Variants in MTDH observed in about 807,000 individuals in gnomAD.
MTDH encodes the protein metadherin, also known as protein LYRIC.
In MTDH, 34 loss-of-function variants were observed where a neutral mutation model predicts 72.7. That is an observed-to-expected ratio of 0.47 (90% CI 0.36 to 0.62). The LOEUF (loss-of-function observed/expected upper bound fraction) is 0.62. Among genes scored for constraint, MTDH ranks in the 20% least tolerant of loss-of-function variants. The probability of loss-of-function intolerance (pLI) is 0.00; values close to 1 mark genes in which losing one functional copy is unlikely to be tolerated. For synonymous variants in MTDH, 266 were observed against 268.9 expected, an observed-to-expected ratio of 0.99 and a Z score of 0.10; for missense variants, 677 against 699.4, an observed-to-expected ratio of 0.97 and a Z score of 0.36.
rs1440924959 is a variant in MTDH, at chr8:97,730,160, T to C, written c.*5490T>C. On this transcript the variant is annotated 3_prime_UTR_variant, in exon 12 of 12. Coordinates refer to ENST00000336273, the MANE Select transcript of MTDH (RefSeq NM_178812.4). The stretch of plus-strand genomic sequence containing the variant: ...AGTGGCATTCTTATTTGTATATATG[T>C]GCTTTCCTTTTTTATTTGTATCAAG... 1.3e-5 allele frequency among the ~76,000 whole-genome samples: 2 copies of C among 152,236 alleles called. No individual in the cohort carries two copies. Among genetic ancestry groups the C allele is most frequent in the Non-Finnish European group, 2.9e-5 (2 of 68,042 alleles).
intron 2 of MTDH, among the ~76,000 whole-genome samples, chr8:97,682,448 G>A (rs1372912270): frequency 1.4e-4 from 21 of 149,068 alleles, no homozygotes; most frequent in African/African-American, 2.0e-4. Context: ...ATAGGCGCCC[G>A]CCACCACGCC....
Position 97,699,839 on chromosome 8 carries a change from A to G in MTDH, c.1134A>G (p.Glu378=). ...GTAATCAACCCTATATCGATGATGA[A>G]TGGTCTGGGTTAAGTATGTCCTTTT... ...VSRNQPYIDD[E]WSGLNGLSSA... Residue 378 remains glutamate (E), a synonymous_variant, in exon 7 of 12, where the codon GAA becomes GAG. Coordinates refer to ENST00000336273, the MANE Select transcript of MTDH (RefSeq NM_178812.4). 6.2e-7 allele frequency: 1 copy of G among 1,609,752 alleles called. No homozygotes were observed. The highest frequency in any genetic ancestry group is 8.5e-7 in the Non-Finnish European group (1 of 1,176,474).
At chr8:97,709,457 C>A (rs1814531443) in intron 8 of MTDH, among the ~76,000 whole-genome samples, 1 of 152,144 alleles carries the variant, frequency 6.6e-6, no homozygotes, top group Non-Finnish European at 1.5e-5. Context: ...CATAGGAATT[C>A]TTTTTCTGAA....
intron 1 of MTDH, 87 bp from the exon 2 acceptor site, chr8:97,660,985 T>G: frequency 1.0e-6 from 1 of 955,424 alleles, no homozygotes; most frequent in Non-Finnish European, 1.6e-6. Flanking sequence ...AGGATTTGAT[T>G]GTAGTATATA....
chr8:97,697,150 A>ATATTTTTTTTTTTTTT, intron 6 of MTDH, among the ~76,000 whole-genome samples: 9 of 68,774 alleles, frequency 1.3e-4, no homozygotes, highest in African/African-American at 8.2e-4. Flanking sequence ...ATATATATAT[A>ATATTTTTTTTTTTTTT]TTTTTTTTTT....
At chr8:97,650,532 C>T (rs992831475) in intron 1 of MTDH, among the ~76,000 whole-genome samples, 1 of 152,106 alleles carries the variant, frequency 6.6e-6, no homozygotes, top group Non-Finnish European at 1.5e-5. Context: ...GCCTAGGCCT[C>T]CCAAAGTGCT....
intron 2 of MTDH, among the ~76,000 whole-genome samples, chr8:97,672,621 A>C (rs952142334): frequency 1.7e-4 from 26 of 152,224 alleles, no homozygotes; most frequent in Admixed American, 3.9e-4. Flanking sequence ...TTTCTGCCCC[A>C]GTCAGTCATT....
At position 97,644,403 on chromosome 8, in the gene MTDH, C is replaced by A; in HGVS notation, c.-104C>A. The A allele has an allele frequency of 1.4e-6, 2 of 1,409,822 alleles. No individual in the cohort carries two copies. Among genetic ancestry groups the A allele is most frequent in the Non-Finnish European group, 1.9e-6 (2 of 1,077,574 alleles). 87.3% of individuals were successfully genotyped at this position (1,409,822 alleles called of 1,614,324 possible). A position where few individuals can be genotyped will look rare whatever the true frequency, so the allele number is the denominator to read the frequency against. On this transcript the variant is annotated 5_prime_UTR_variant, in exon 1 of 12. The change creates a premature stop within an existing upstream ORF in the 5' untranslated region. Transcript: ENST00000336273. ...GCGCGAGGGACGGCCGCGATGCGCT[C>A]GGCCTGAGGTTACCCGGCCCGGCCC...
At chr8:97,718,852 A>T (rs935068276) in intron 9 of MTDH, among the ~76,000 whole-genome samples, 197 bp from the exon 10 acceptor site, 1 of 151,306 alleles carries the variant, frequency 6.6e-6, no homozygotes, top group Non-Finnish European at 1.5e-5. Context: ...ATACACCACC[A>T]CATGTGACTA....
intron 1 of MTDH, among the ~76,000 whole-genome samples, chr8:97,648,110 A>G (rs1288050298): frequency 1.3e-5 from 2 of 152,178 alleles, no homozygotes; most frequent in African/African-American, 2.4e-5. Context: ...CAACCTGTTT[A>G]TAAGCAATTT....
chr8:97,713,543 T>C, intron 8 of MTDH, 119 bp from the exon 9 acceptor site: 1 of 572,810 alleles, frequency 1.7e-6, no homozygotes. Context: ...TACTAGTTTT[T>C]ATTTAGATTT....
At chr8:97,722,686 C>T (rs1237201786) in intron 10 of MTDH, among the ~76,000 whole-genome samples, 193 bp from the exon 11 acceptor site, 1 of 152,202 alleles carries the variant, frequency 6.6e-6, no homozygotes, top group Non-Finnish European at 1.5e-5. Flanking sequence ...TTTATCTCAA[C>T]ATATATTCAT....
chr8:97,663,925 A>G (rs779540836), intron 2 of MTDH, among the ~76,000 whole-genome samples: 34 of 152,186 alleles, frequency 2.2e-4, no homozygotes, highest in Admixed American at 5.9e-4. Context: ...ACCCAAATCT[A>G]TCTGACTTCA....
At chr8:97,656,211 A>G (rs964747676) in intron 1 of MTDH, among the ~76,000 whole-genome samples, 6 of 151,896 alleles carry the variant, frequency 4.0e-5, no homozygotes, top group Non-Finnish European at 5.9e-5. Context: ...TAAACCTTAT[A>G]TATGCTTACC....
At chr8:97,671,758 A>G (rs1205472355) in intron 2 of MTDH, among the ~76,000 whole-genome samples, 2 of 152,098 alleles carry the variant, frequency 1.3e-5, no homozygotes, top group African/African-American at 2.4e-5. Context: ...CACAAGAATC[A>G]CTTGAACCCC....
chr8:97,678,209 G>A (rs994548322), intron 2 of MTDH, among the ~76,000 whole-genome samples: 1 of 152,106 alleles, frequency 6.6e-6, no homozygotes, highest in Non-Finnish European at 1.5e-5. Flanking sequence ...ATTCTCAACT[G>A]TAAATCACTT....
Position 97,724,946 on chromosome 8 carries a change from C to A in MTDH, c.*276C>A. ...ATTTAAGAATATTATCCTGGTTTAA[C>A]AACAGTGCCCTGTTTACAACAGATT... On this transcript the variant is annotated 3_prime_UTR_variant, in exon 12 of 12. Coordinates refer to ENST00000336273, the MANE Select transcript of MTDH (RefSeq NM_178812.4). The A allele has an allele frequency of 4.1e-6, 1 of 241,862 alleles. No individual in the cohort carries two copies. The highest frequency in any genetic ancestry group is 8.0e-6 in the Non-Finnish European group (1 of 124,684). 15.0% of individuals were successfully genotyped at this position (241,862 alleles called of 1,614,324 possible). A position where few individuals can be genotyped will look rare whatever the true frequency, so the allele number is the denominator to read the frequency against.
At chr8:97,697,506 G>A (rs553824945) in intron 6 of MTDH, among the ~76,000 whole-genome samples, 5 of 149,006 alleles carry the variant, frequency 3.4e-5, no homozygotes, top group Non-Finnish European at 5.9e-5. Flanking sequence ...CTGCCTCGGC[G>A]TCCCATGTAT....
chr8:97,669,711 G>A (rs1201965406), intron 2 of MTDH, among the ~76,000 whole-genome samples: 1 of 151,898 alleles, frequency 6.6e-6, no homozygotes, highest in Non-Finnish European at 1.5e-5. Context: ...GAGGTCAGGA[G>A]TTCGAGACCA....
Sources: allele counts gnomAD v4.1 joint callset (sites outside exome capture counted in the v4.1 genomes callset), GRCh38; gene constraint gnomAD v4.1.1; transcripts MANE v1.5; gene names NCBI Gene and HGNC (gene_info 2026-07-23, HGNC 2026-07-21).